Variants in UST observed in about 807,000 individuals in gnomAD.
The protein encoded by UST is uronyl 2-sulfotransferase.
Under a neutral mutation model 45.6 loss-of-function variants are expected in UST, and 21 were observed. That is an observed-to-expected ratio of 0.46 (90% CI 0.33 to 0.66). UST has a LOEUF of 0.66. UST is among the 30% of genes least tolerant of loss of function. The probability of loss-of-function intolerance (pLI) is 0.02; values close to 1 mark genes in which losing one functional copy is unlikely to be tolerated. For synonymous variants in UST, 215 were observed against 200.6 expected, an observed-to-expected ratio of 1.07 and a Z score of -0.61; for missense variants, 463 against 512.4, an observed-to-expected ratio of 0.90 and a Z score of 0.93.
chr6:148,958,928 C>T (rs1239826250), intron 4 of UST: 1 of 152,222 alleles, frequency 6.6e-6, no homozygotes, highest in Non-Finnish European at 1.5e-5. Flanking sequence ...CACCACTTCC[C>T]TTATCCTTTT....
At chr6:149,019,688 C>T (rs764562618) in intron 6 of UST, among the ~76,000 whole-genome samples, 8 of 152,188 alleles carry the variant, frequency 5.3e-5, no homozygotes, top group Non-Finnish European at 1.0e-4. Flanking sequence ...ACTGGAAGCC[C>T]ACACCTCAAT....
chr6:148,771,931 C>T (rs939739098), intron 1 of UST, among the ~76,000 whole-genome samples: 1 of 152,160 alleles, frequency 6.6e-6, no homozygotes, highest in South Asian at 2.1e-4. Context: ...TGTCTTCCTA[C>T]CTCCCCCAAA....
intron 1 of UST, among the ~76,000 whole-genome samples, chr6:148,784,619 A>G (rs1202098581): frequency 6.6e-6 from 1 of 152,236 alleles, no homozygotes; most frequent in South Asian, 2.1e-4. Flanking sequence ...AAAATTGTAC[A>G]TATATTGGCT....
chr6:148,841,479 T>C (rs1437946742), intron 1 of UST, among the ~76,000 whole-genome samples: 3 of 152,232 alleles, frequency 2.0e-5, no homozygotes, highest in Admixed American at 6.5e-5. Context: ...CCTGTTCTAC[T>C]TTGGTTTAAT....
intron 7 of UST, among the ~76,000 whole-genome samples, chr6:149,039,414 C>G (rs572504762): frequency 6.6e-6 from 1 of 152,144 alleles, no homozygotes; most frequent in East Asian, 1.9e-4. Flanking sequence ...TTAGGAGAGA[C>G]GGGGTTTCTC....
rs79236851 is a variant in UST, at chr6:148,872,785, C to A, written c.248-14201C>A. 9.9e-5 allele frequency among the ~76,000 whole-genome samples: 15 copies of A among 152,204 alleles called. No individual in the cohort carries two copies. The East Asian group carries it at 2.9e-3, about 29-fold the overall frequency. On this transcript the variant is annotated intron_variant, in intron 1 of 7. Transcript: ENST00000367463. ...TGTCTGCACTCCCTGACTCGTGGCC[C>A]CTTCCTCCATCTGCAAAACACATCC...
At chr6:148,972,759 C>T (rs1046204361) in intron 5 of UST, among the ~76,000 whole-genome samples, 1 of 152,242 alleles carries the variant, frequency 6.6e-6, no homozygotes, top group Non-Finnish European at 1.5e-5. Flanking sequence ...AGGTGGCTAA[C>T]ATTTATTAAG....
chr6:148,969,556 A>T (rs1780872538), intron 5 of UST, among the ~76,000 whole-genome samples: 1 of 152,202 alleles, frequency 6.6e-6, no homozygotes, highest in African/African-American at 2.4e-5. Context: ...TCTATTGAGC[A>T]TTCTACACAG....
intron 1 of UST, among the ~76,000 whole-genome samples, chr6:148,822,576 C>G (rs922318430): frequency 2.0e-5 from 3 of 152,194 alleles, no homozygotes; most frequent in Middle Eastern, 3.4e-3. Flanking sequence ...TCTGTAAAAC[C>G]AAGCCCCATG....
chr6:148,834,952 T>A (rs1035343618), intron 1 of UST, among the ~76,000 whole-genome samples: 2 of 152,134 alleles, frequency 1.3e-5, no homozygotes, highest in Non-Finnish European at 2.9e-5. Flanking sequence ...AAATAGTCAA[T>A]CTTTAAGGCA....
rs760698349 is a variant in UST at position 148,894,814 on chromosome 6, C to CTTTTTTTTTT, written c.291+7798_291+7807dup. On this transcript the variant is annotated intron_variant, in intron 2 of 7. Coordinates refer to ENST00000367463, the MANE Select transcript of UST (RefSeq NM_005715.3). ...GAAGCTTATCAGGATAATTTCAGTG[C>CTTTTTTTTTT]TTTTTTTTTTTTTTTTTTTTTTGAG... 2.8e-4 allele frequency among the ~76,000 whole-genome samples: 26 copies of CTTTTTTTTTT among 93,704 alleles called. 1 individual carries two copies. The highest frequency in any genetic ancestry group is 9.0e-4 in the African/African-American group (20 of 22,170). 61.5% of individuals were successfully genotyped at this position (93,704 alleles called of 152,430 possible).
At chr6:148,998,092 C>T (rs374354832) in intron 5 of UST, among the ~76,000 whole-genome samples, 1 of 152,214 alleles carries the variant, frequency 6.6e-6, no homozygotes, top group East Asian at 1.9e-4. Flanking sequence ...GCTAAGAAGG[C>T]AAAATCATCA....
chr6:148,852,367 G>C (rs982591802), intron 1 of UST, among the ~76,000 whole-genome samples: 1 of 152,148 alleles, frequency 6.6e-6, no homozygotes, highest in Non-Finnish European at 1.5e-5. Flanking sequence ...GCCAAGGCCC[G>C]TGCTGCGTGC....
chr6:148,950,776 T>C (rs1780348781), intron 3 of UST, among the ~76,000 whole-genome samples: 1 of 152,354 alleles, frequency 6.6e-6, no homozygotes, highest in South Asian at 2.1e-4. Context: ...GCTTCACTTA[T>C]CTACCATCTA....
rs1206026168 is a variant in UST, at chr6:148,870,106, A to ACG, written c.248-16879_248-16878insGC. Among the ~76,000 whole-genome samples, 18 of 33,678 alleles carry ACG rather than the reference A, an allele frequency of 5.3e-4. No homozygotes were observed. In the East Asian group the frequency reaches 9.8e-3, roughly 18 times the overall value. 22.1% of individuals were successfully genotyped at this position (33,678 alleles called of 152,430 possible). A position where few individuals can be genotyped will look rare whatever the true frequency, so the allele number is the denominator to read the frequency against. Reference sequence around the variant, plus strand: ...CCCAGCTTCACAGTGGTAATGTTTCACACACACACACACACACACACACAC... The same window carrying ACG: ...CCCAGCTTCACAGTGGTAATGTTTCACGCACACACACACACACACACACACAC... On this transcript the variant is annotated intron_variant, in intron 1 of 7. Transcript: ENST00000367463.
chr6:148,949,955 T>C (rs1180274078), intron 3 of UST, among the ~76,000 whole-genome samples: 1 of 152,186 alleles, frequency 6.6e-6, no homozygotes, highest in Non-Finnish European at 1.5e-5. Flanking sequence ...CCCCCAGCAT[T>C]GCCCATCTCC....
intron 7 of UST, among the ~76,000 whole-genome samples, chr6:149,055,871 C>T (rs1776554723): frequency 6.6e-6 from 1 of 152,180 alleles, no homozygotes; most frequent in African/African-American, 2.4e-5. Flanking sequence ...TTCTCACAGC[C>T]ATTGGCCATG....
intron 1 of UST, among the ~76,000 whole-genome samples, chr6:148,858,656 C>A (rs1260983525): frequency 6.6e-6 from 1 of 152,118 alleles, no homozygotes; most frequent in Non-Finnish European, 1.5e-5. Flanking sequence ...CCTTGCCCCA[C>A]CCCACAACAG....
intron 3 of UST, among the ~76,000 whole-genome samples, chr6:148,947,286 C>T (rs551892458): frequency 1.1e-3 from 163 of 152,076 alleles, no homozygotes; most frequent in Non-Finnish European, 2.0e-3. Context: ...GCTTAGCGTT[C>T]CAATAATGGA....
Sources: allele counts gnomAD v4.1 joint callset (sites outside exome capture counted in the v4.1 genomes callset), GRCh38; gene constraint gnomAD v4.1.1; transcripts MANE v1.5; gene names NCBI Gene and HGNC (gene_info 2026-07-23, HGNC 2026-07-21).